Variants in CNBD1 observed in about 807,000 individuals in gnomAD.
The protein encoded by CNBD1 is cyclic nucleotide binding domain containing 1.
CNBD1 carries 71 observed loss-of-function variants against 54.4 expected under a neutral mutation model. That is an observed-to-expected ratio of 1.30 (90% CI 1.08 to 1.59). The LOEUF (loss-of-function observed/expected upper bound fraction) is 1.59. Ranked by LOEUF, CNBD1 falls within the 40% of genes most tolerant of loss-of-function variation. The pLI is 0.00. For missense variants in CNBD1, 659 were observed against 518.0 expected, an observed-to-expected ratio of 1.27 and a Z score of -2.64; for synonymous variants, 182 against 170.7, an observed-to-expected ratio of 1.07 and a Z score of -0.51.
At chr8:87,255,090 G>C (rs1807984144) in intron 6 of CNBD1, among the ~76,000 whole-genome samples, 1 of 152,054 alleles carries the variant, frequency 6.6e-6, no homozygotes, top group African/African-American at 2.4e-5. Context: ...ATATTCTGTA[G>C]AGGACAAGTC....
At chr8:87,254,034 A>G (rs576328177) in intron 6 of CNBD1, among the ~76,000 whole-genome samples, 9 of 152,348 alleles carry the variant, frequency 5.9e-5, no homozygotes, top group East Asian at 1.9e-4. Context: ...TTACATTCCT[A>G]TGTTCATGGA....
At chr8:87,140,779 GA>G (rs527876166) in intron 4 of CNBD1, among the ~76,000 whole-genome samples, 24 of 152,102 alleles carry the variant, frequency 1.6e-4, no homozygotes, top group African/African-American at 5.3e-4. Context: ...ACTTTAATAA[GA>G]AAAAAAGTTT....
intron 2 of CNBD1, among the ~76,000 whole-genome samples, chr8:87,420,001 G>C (rs1241055358): frequency 6.7e-6 from 1 of 149,648 alleles, no homozygotes; most frequent in Non-Finnish European, 1.5e-5. Context: ...TAAGTATATT[G>C]AATCCAGAAA....
intron 4 of CNBD1, among the ~76,000 whole-genome samples, chr8:87,201,694 G>A (rs959902715): frequency 2.0e-5 from 3 of 152,134 alleles, no homozygotes; most frequent in Admixed American, 2.0e-4. Flanking sequence ...TAATAAAACT[G>A]TTGAAGGTAA....
At chr8:87,397,377 T>C (rs1176247016) in intron 2 of CNBD1, among the ~76,000 whole-genome samples, 2 of 151,968 alleles carry the variant, frequency 1.3e-5, no homozygotes, top group African/African-American at 4.8e-5. Flanking sequence ...GCAATATTGA[T>C]AAACCAAATT....
intron 4 of CNBD1, among the ~76,000 whole-genome samples, chr8:86,985,719 A>G (rs572808418): frequency 2.0e-5 from 3 of 152,274 alleles, no homozygotes; most frequent in African/African-American, 4.8e-5. Flanking sequence ...ATACTCAGAA[A>G]TGGGTTTGCT....
chr8:86,868,704 T>C (rs1287448677), intron 1 of CNBD1, among the ~76,000 whole-genome samples: 1 of 152,202 alleles, frequency 6.6e-6, no homozygotes, highest in Admixed American at 6.5e-5. Context: ...TAGCACGTTA[T>C]GTTATTTCAT....
At chr8:87,351,227 C>T (rs976807819) in intron 8 of CNBD1, among the ~76,000 whole-genome samples, 1 of 152,158 alleles carries the variant, frequency 6.6e-6, no homozygotes, top group Non-Finnish European at 1.5e-5. Context: ...TTAACTGCTA[C>T]TATAATCAGT....
chr8:86,932,039 T>G (rs1437041968), intron 3 of CNBD1, among the ~76,000 whole-genome samples: 1 of 152,178 alleles, frequency 6.6e-6, no homozygotes, highest in Non-Finnish European at 1.5e-5. Context: ...TGCTGACCAG[T>G]AGGGAGTTTG....
chr8:86,866,931 T>C (rs1808373317), intron 1 of CNBD1, among the ~76,000 whole-genome samples: 2 of 152,168 alleles, frequency 1.3e-5, no homozygotes, highest in South Asian at 4.1e-4. Context: ...GATCTTCTAC[T>C]CCCTACCAAG....
chr8:87,222,613 T>C (rs1230988297), intron 5 of CNBD1, among the ~76,000 whole-genome samples: 2 of 152,162 alleles, frequency 1.3e-5, no homozygotes, highest in Non-Finnish European at 2.9e-5. Context: ...TATAGTTCCT[T>C]GAAACTTTTA....
intron 10 of CNBD1, among the ~76,000 whole-genome samples, chr8:87,379,246 C>G (rs1255141215): frequency 1.3e-5 from 2 of 151,896 alleles, no homozygotes; most frequent in Non-Finnish European, 2.9e-5. Context: ...CCTGAGTGAC[C>G]TACAAAGAGA....
rs1808434231 is a variant in CNBD1 at position 86,870,872 on chromosome 8, A to G, written c.88+4289A>G. On this transcript the variant is annotated intron_variant, in intron 1 of 10. Transcript: ENST00000518476. The stretch of plus-strand genomic sequence containing the variant: ...CAAGAAGGAGTAAAAGGTGGGAAAA[A>G]GGTTGAATGTTTGTGTCCATTTCTG... Among the ~76,000 whole-genome samples the G allele has an allele frequency of 1.3e-5, 2 of 152,164 alleles. 1 individual carries two copies. The highest frequency in any genetic ancestry group is 4.1e-4 in the South Asian group (2 of 4,822).
intron 4 of CNBD1, among the ~76,000 whole-genome samples, chr8:87,181,194 A>G (rs573092113): frequency 6.6e-6 from 1 of 152,322 alleles, no homozygotes; most frequent in African/African-American, 2.4e-5. Flanking sequence ...AGGTTGAATC[A>G]AAAGCATCTA....
At chr8:86,999,244 G>C (rs1177159979) in intron 4 of CNBD1, among the ~76,000 whole-genome samples, 1 of 152,198 alleles carries the variant, frequency 6.6e-6, no homozygotes, top group African/African-American at 2.4e-5. Context: ...CAGAAGGAGA[G>C]TGGATTAAGA....
At chr8:87,402,785 A>G (rs1044218678) in intron 2 of CNBD1, among the ~76,000 whole-genome samples, 3 of 152,084 alleles carry the variant, frequency 2.0e-5, no homozygotes, top group Non-Finnish European at 4.4e-5. Context: ...ACTCAGATAT[A>G]TGTGGAGTAG....
At chr8:87,369,883 C>T (rs1012329392) in intron 10 of CNBD1, among the ~76,000 whole-genome samples, 2 of 152,110 alleles carry the variant, frequency 1.3e-5, no homozygotes, top group South Asian at 2.1e-4. Context: ...CCCACTCCCC[C>T]GACCCCACAA....
intron 10 of CNBD1, among the ~76,000 whole-genome samples, chr8:87,363,953 G>T (rs983160636): frequency 6.9e-6 from 1 of 144,454 alleles, no homozygotes; most frequent in African/African-American, 2.6e-5. Flanking sequence ...GAATGGTATT[G>T]CCTAGGAAAT....
At chr8:87,322,927 T>G (rs1330779390) in intron 8 of CNBD1, among the ~76,000 whole-genome samples, 4 of 110,996 alleles carry the variant, frequency 3.6e-5, no homozygotes, top group African/African-American at 7.0e-5. Context: ...CTAGGGTTTT[T>G]ATGGTTTTAG....
Sources: gnomAD v4.1 joint callset for allele counts (sites outside exome capture counted in the v4.1 genomes callset) on GRCh38, gnomAD v4.1.1 for gene constraint, MANE v1.5 for transcripts, NCBI Gene and HGNC (gene_info 2026-07-23, HGNC 2026-07-21) for gene names.